Variants in EBAG9 observed in about 807,000 individuals in gnomAD.
The protein encoded by EBAG9 is estrogen receptor binding site associated antigen 9.
EBAG9 carries 16 observed loss-of-function variants against 30.9 expected under a neutral mutation model. The observed-to-expected ratio is 0.52, with a 90% confidence interval of 0.35 to 0.79. EBAG9 has a LOEUF of 0.79. EBAG9 is among the 30% of genes least tolerant of loss of function. The pLI, the probability that EBAG9 is intolerant of heterozygous loss-of-function variation, is 0.01. For synonymous variants in EBAG9, 93 were observed against 82.8 expected (o/e 1.12, Z -0.67); for missense variants, 197 against 242.1 (o/e 0.81, Z 1.24).
intron 1 of EBAG9, among the ~76,000 whole-genome samples, chr8:109,545,866 T>G (rs1443960813): frequency 6.6e-6 from 1 of 152,222 alleles, no homozygotes; most frequent in African/African-American, 2.4e-5. Flanking sequence ...TTCTGTATCT[T>G]TGGCAGCTTA....
rs933008479 is a variant in EBAG9, at chr8:109,565,556, A to T, written c.*997A>T. Reference sequence around the variant, plus strand: ...TAATAATCTTTTATTTATGATGTTGATTGGCTCCAAAATAGTCTTAAGGAA... The same window carrying T: ...TAATAATCTTTTATTTATGATGTTGTTTGGCTCCAAAATAGTCTTAAGGAA... On this transcript the variant is annotated 3_prime_UTR_variant, in exon 7 of 7. Transcript: ENST00000337573. The T allele has an allele frequency of 6.6e-6, 1 of 152,090 alleles. No individual in the cohort carries two copies. The highest frequency in any genetic ancestry group is 2.4e-5 in the African/African-American group (1 of 41,422). The allele number at this position is 152,090 out of a possible 1,614,324, so 9.4% of individuals were successfully genotyped here. A position where few individuals can be genotyped will look rare whatever the true frequency, so the allele number is the denominator to read the frequency against.
intron 1 of EBAG9, among the ~76,000 whole-genome samples, chr8:109,544,973 T>C (rs904579720): frequency 1.2e-4 from 18 of 152,150 alleles, no homozygotes; most frequent in African/African-American, 3.1e-4. Context: ...GCAATACATA[T>C]ATAGTATAGG....
At chr8:109,546,472 C>T (rs1318921366) in intron 1 of EBAG9, among the ~76,000 whole-genome samples, 4 of 152,210 alleles carry the variant, frequency 2.6e-5, no homozygotes, top group African/African-American at 7.2e-5. Flanking sequence ...TGCCTCATTA[C>T]AAGGCACTGC....
chr8:109,547,484 CTT>C (rs781114077), intron 1 of EBAG9, among the ~76,000 whole-genome samples: 1 of 140,538 alleles, frequency 7.1e-6, no homozygotes. Context: ...TGTATATGTT[CTT>C]TTTTTTTTTT....
chr8:109,547,688 G>C (rs1405899998), intron 1 of EBAG9, among the ~76,000 whole-genome samples: 1 of 151,962 alleles, frequency 6.6e-6, no homozygotes, highest in Admixed American at 6.6e-5. Flanking sequence ...CACCGTGTTG[G>C]CCAGGATGGT....
intron 5 of EBAG9, among the ~76,000 whole-genome samples, chr8:109,558,860 G>T (rs994764382): frequency 3.3e-5 from 5 of 152,118 alleles, no homozygotes; most frequent in Admixed American, 6.6e-5. Flanking sequence ...TAAATGTCAT[G>T]TTTTATACTT....
At chr8:109,546,479 C>A (rs1246765273) in intron 1 of EBAG9, among the ~76,000 whole-genome samples, 2 of 152,204 alleles carry the variant, frequency 1.3e-5, no homozygotes, top group African/African-American at 4.8e-5. Flanking sequence ...TTACAAGGCA[C>A]TGCTGATATT....
intron 1 of EBAG9, among the ~76,000 whole-genome samples, chr8:109,548,031 G>C (rs547833242): frequency 1.1e-4 from 16 of 151,848 alleles, no homozygotes; most frequent in African/African-American, 3.6e-4. Flanking sequence ...TATGGATTGT[G>C]CTTTTGTTGT....
chr8:109,546,352 A>AAT (rs983811170), intron 1 of EBAG9, among the ~76,000 whole-genome samples: 1 of 152,210 alleles, frequency 6.6e-6, no homozygotes, highest in African/African-American at 2.4e-5. Context: ...AGTTTTGATG[A>AAT]ATATATATAC....
chr8:109,542,390 G>A (rs915469821), intron 1 of EBAG9, among the ~76,000 whole-genome samples: 3 of 152,138 alleles, frequency 2.0e-5, no homozygotes, highest in Non-Finnish European at 2.9e-5. Context: ...TATTTGGAAA[G>A]GTGATGGCTG....
chr8:109,550,690 T>C (rs1356882489), intron 1 of EBAG9, 120 bp from the exon 2 acceptor site: 14 of 650,304 alleles, frequency 2.2e-5, no homozygotes, highest in Non-Finnish European at 3.8e-5. Flanking sequence ...GTGTTATAGT[T>C]TCTAGAGAAA....
rs533946485 is a variant in EBAG9 at position 109,565,602 on chromosome 8, G to A, written c.*1043G>A. 4 of 152,132 alleles carry A rather than the reference G, an allele frequency of 2.6e-5. No homozygotes were observed. The highest frequency in any genetic ancestry group is 9.6e-5 in the African/African-American group (4 of 41,522). The allele number at this position is 152,132 out of a possible 1,614,324, so 9.4% of individuals were successfully genotyped here. ...AGGAAATAAATACTGGGTCTGTAGGGGAAAAGTAGACTTCATAGTTTAAAA... is the reference window on the plus strand; with the variant it reads ...AGGAAATAAATACTGGGTCTGTAGGAGAAAAGTAGACTTCATAGTTTAAAA... On this transcript the variant is annotated 3_prime_UTR_variant, in exon 7 of 7. Coordinates refer to ENST00000337573, the MANE Select transcript of EBAG9 (RefSeq NM_004215.5).
chr8:109,562,753 A>C (rs1157520050), intron 6 of EBAG9, among the ~76,000 whole-genome samples: 1 of 151,830 alleles, frequency 6.6e-6, no homozygotes, highest in African/African-American at 2.4e-5. Context: ...TCAGATTTTG[A>C]AATTTTTGAG....
intron 2 of EBAG9, among the ~76,000 whole-genome samples, chr8:109,552,083 A>G (rs987757236): frequency 6.6e-6 from 1 of 151,936 alleles, no homozygotes; most frequent in Admixed American, 6.6e-5. Flanking sequence ...TCTTTTTTTA[A>G]TATATATAGA....
chr8:109,553,798 C>A, intron 2 of EBAG9, 67 bp from the exon 3 acceptor site: 1 of 1,250,390 alleles, frequency 8.0e-7, no homozygotes, highest in Non-Finnish European at 1.1e-6. Flanking sequence ...AATTACCATA[C>A]ATAATAGTGC....
chr8:109,561,219 A>T (rs1044811015), intron 6 of EBAG9, among the ~76,000 whole-genome samples: 1 of 150,474 alleles, frequency 6.6e-6, no homozygotes, highest in Non-Finnish European at 1.5e-5. Context: ...TATGTTTTAT[A>T]TATATATATA....
rs1313358790 is a variant in EBAG9, at chr8:109,540,306, G to A, written c.-171G>A. The A allele has an allele frequency of 2.6e-5, 4 of 152,328 alleles. No individual in the cohort carries two copies. The highest frequency in any genetic ancestry group is 6.5e-5 in the Admixed American group (1 of 15,286). 9.4% of individuals were successfully genotyped at this position (152,328 alleles called of 1,614,324 possible). A position where few individuals can be genotyped will look rare whatever the true frequency, so the allele number is the denominator to read the frequency against. ...GTGACCTTACTGCCCTCCGTCTACA[G>A]GCCTTGTACCTCTCCAGGCCGATTT... On this transcript the variant is annotated 5_prime_UTR_variant, in exon 1 of 7. Coordinates refer to ENST00000337573, the MANE Select transcript of EBAG9 (RefSeq NM_004215.5).
At chr8:109,558,610 AG>A (rs1821650143) in intron 5 of EBAG9, among the ~76,000 whole-genome samples, 1 of 152,076 alleles carries the variant, frequency 6.6e-6, no homozygotes, top group Non-Finnish European at 1.5e-5. Flanking sequence ...AGAGTTGAGA[AG>A]GGGTAAATAG....
In EBAG9 at chr8:109,565,589, C is replaced by T. The variant is rs1821811209; in HGVS notation, c.*1030C>T. On this transcript the variant is annotated 3_prime_UTR_variant, in exon 7 of 7. Coordinates refer to ENST00000337573, the MANE Select transcript of EBAG9 (RefSeq NM_004215.5). ...CAAAATAGTCTTAAGGAAATAAATA[C>T]TGGGTCTGTAGGGGAAAAGTAGACT... The T allele has an allele frequency of 6.6e-6, 1 of 152,146 alleles. No individual in the cohort carries two copies. Among genetic ancestry groups the T allele is most frequent in the East Asian group, 1.9e-4 (1 of 5,174 alleles). The allele number at this position is 152,146 out of a possible 1,614,324, so 9.4% of individuals were successfully genotyped here. A position where few individuals can be genotyped will look rare whatever the true frequency, so the allele number is the denominator to read the frequency against.
Sources: allele counts gnomAD v4.1 joint callset (sites outside exome capture counted in the v4.1 genomes callset), GRCh38; gene constraint gnomAD v4.1.1; transcripts MANE v1.5; gene names NCBI Gene and HGNC (gene_info 2026-07-23, HGNC 2026-07-21).